The following IQCJ variants were observed in gnomAD, a reference collection of about 807,000 sequenced individuals.
The protein encoded by IQCJ is IQ motif containing J.
Under a neutral mutation model 11.0 loss-of-function variants are expected in IQCJ, and 9 were observed. The observed-to-expected ratio is 0.82, with a 90% CI of 0.49 to 1.43. The LOEUF (loss-of-function observed/expected upper bound fraction) is 1.43. Ranked by LOEUF, IQCJ falls within the 40% of genes most tolerant of loss-of-function variation. IQCJ has a pLI of 0.00. For missense variants in IQCJ, 146 were observed against 133.2 expected, an observed-to-expected ratio of 1.10 and a Z score of -0.47; for synonymous variants, 55 against 51.3, an observed-to-expected ratio of 1.07 and a Z score of -0.31.
At chr3:159,181,319 C>T (rs1723077934) in intron 1 of IQCJ, among the ~76,000 whole-genome samples, 1 of 150,600 alleles carries the variant, frequency 6.6e-6, no homozygotes, top group African/African-American at 2.5e-5. Flanking sequence ...CACTATGCTC[C>T]TTAGTGCTCT....
chr3:159,121,901 A>G (rs1719402791), intron 1 of IQCJ, among the ~76,000 whole-genome samples: 1 of 152,230 alleles, frequency 6.6e-6, no homozygotes, highest in African/African-American at 2.4e-5. Flanking sequence ...TTAGCTTATT[A>G]TCCACAAATA....
intron 1 of IQCJ, among the ~76,000 whole-genome samples, chr3:159,095,021 A>T (rs985451538): frequency 9.9e-5 from 15 of 151,864 alleles, no homozygotes; most frequent in African/African-American, 3.4e-4. Context: ...TTCCAAATCC[A>T]GCAACCCAAG....
At chr3:159,091,598 G>A (rs187030447) in intron 1 of IQCJ, among the ~76,000 whole-genome samples, 9 of 151,168 alleles carry the variant, frequency 6.0e-5, no homozygotes, top group Admixed American at 5.9e-4. Context: ...ATAGCAGTGA[G>A]TCTGCAGTGT....
chr3:159,107,628 A>G (rs1173002615), intron 1 of IQCJ, among the ~76,000 whole-genome samples: 1 of 152,184 alleles, frequency 6.6e-6, no homozygotes, highest in East Asian at 1.9e-4. Flanking sequence ...TAATTTATTT[A>G]GCATTTGCCA....
rs1044940319 is a variant in IQCJ, at chr3:159,113,349, C to T, written c.9+43908C>T. 2.6e-5 allele frequency among the ~76,000 whole-genome samples: 4 copies of T among 152,156 alleles called. No homozygotes were observed. In the South Asian group the frequency reaches 6.2e-4, roughly 24 times the overall value. ...TGATAGATGTGACCTGCAGCCTTGG[C>T]GTACACAAAAGGCCTGGCCGTTTTT... On this transcript the variant is annotated intron_variant, in intron 1 of 3. Coordinates refer to ENST00000397832, the MANE Select transcript of IQCJ (RefSeq NM_001042706.3).
chr3:159,142,476 G>T (rs926205286), intron 1 of IQCJ, among the ~76,000 whole-genome samples: 3 of 151,784 alleles, frequency 2.0e-5, no homozygotes, highest in African/African-American at 7.3e-5. Context: ...GAGTGCAGTG[G>T]TGTGATCTTG....
Position 159,084,921 on chromosome 3 carries a change from T to TA in IQCJ, c.9+15480_9+15481insA, listed in dbSNP as rs200070336. On this transcript the variant is annotated intron_variant, in intron 1 of 3. Coordinates refer to ENST00000397832, the MANE Select transcript of IQCJ (RefSeq NM_001042706.3). The stretch of plus-strand genomic sequence containing the variant: ...AGGGGAATGCATAAGTTCTTTTTTT[T>TA]TTATTATTATTATACTTTAAGTTTT... Among the ~76,000 whole-genome samples the TA allele has an allele frequency of 1.3e-3, 199 of 151,482 alleles. No homozygotes were observed. In the East Asian group the frequency reaches 0.017, roughly 13 times the overall value.
At chr3:159,193,162 C>T (rs1723787006) in intron 1 of IQCJ, among the ~76,000 whole-genome samples, 1 of 152,150 alleles carries the variant, frequency 6.6e-6, no homozygotes, top group South Asian at 2.1e-4. Flanking sequence ...CCCTAGTAGA[C>T]ACATGGTCTG....
chr3:159,160,154 G>A (rs1052459051), intron 1 of IQCJ, among the ~76,000 whole-genome samples: 1 of 152,092 alleles, frequency 6.6e-6, no homozygotes, highest in South Asian at 2.1e-4. Context: ...CTGGACTGAG[G>A]TTCGGCAAAA....
In IQCJ at chr3:159,090,393, C is replaced by T. The variant is rs78267300; in HGVS notation, c.9+20952C>T. ...GTCGCTCACGCTGGGAGCTGTAGAC[C>T]GGAGCTGTTCCTATTTGGCCATCTT... On this transcript the variant is annotated intron_variant, in intron 1 of 3. Transcript: ENST00000397832. Among the ~76,000 whole-genome samples, 626 of 151,880 alleles carry T rather than the reference C, an allele frequency of 4.1e-3. 16 individuals carry two copies. Among genetic ancestry groups the T allele is most frequent in the African/African-American group, 0.013 (533 of 41,192 alleles).
intron 1 of IQCJ, among the ~76,000 whole-genome samples, chr3:159,122,273 T>C (rs1283614018): frequency 1.3e-5 from 2 of 152,210 alleles, no homozygotes; most frequent in African/African-American, 2.4e-5. Flanking sequence ...GATTTCAGCA[T>C]TTAAGTTTAG....
At chr3:159,240,033 C>G (rs1160027745) in intron 1 of IQCJ, among the ~76,000 whole-genome samples, 5 of 151,894 alleles carry the variant, frequency 3.3e-5, no homozygotes. Context: ...TGACCTAGAT[C>G]TGTTACTTAT....
chr3:159,237,497 C>G lies in IQCJ; in HGVS notation c.10-8346C>G, dbSNP rs377599261. On this transcript the variant is annotated intron_variant, in intron 1 of 3. Transcript: ENST00000397832. ...ATTCTAATAGTTCACACCCAAGTTACTTTAGAACAACTCTTATAACAGTGG... is the reference window on the plus strand; with the variant it reads ...ATTCTAATAGTTCACACCCAAGTTAGTTTAGAACAACTCTTATAACAGTGG... Among the ~76,000 whole-genome samples the G allele has an allele frequency of 2.6e-5, 4 of 152,280 alleles. No individual in the cohort carries two copies. In the East Asian group the frequency reaches 7.7e-4, roughly 29 times the overall value.
chr3:159,083,337 A>G (rs1225070680), intron 1 of IQCJ, among the ~76,000 whole-genome samples: 1 of 152,170 alleles, frequency 6.6e-6, no homozygotes, highest in Non-Finnish European at 1.5e-5. Flanking sequence ...GGATATATAG[A>G]TGGCAGATAA....
At chr3:159,245,951 G>T in intron 2 of IQCJ, 44 bp downstream of exon 2, 1 of 1,413,542 alleles carries the variant, frequency 7.1e-7, no homozygotes, top group South Asian at 1.3e-5. Flanking sequence ...AGGTTGGAAA[G>T]CTTGAGTAAA....
chr3:159,256,603 G>A (rs565951246), intron 3 of IQCJ, among the ~76,000 whole-genome samples: 2 of 152,176 alleles, frequency 1.3e-5, no homozygotes, highest in South Asian at 4.2e-4. Context: ...GGCCTCTCTG[G>A]GCCTCAGTTG....
chr3:159,214,406 T>A (rs907357488), intron 1 of IQCJ, among the ~76,000 whole-genome samples: 4 of 152,204 alleles, frequency 2.6e-5, no homozygotes, highest in African/African-American at 9.6e-5. Context: ...CTTAGTTCCA[T>A]ATCTTGCTGG....
chr3:159,264,225 T>C (rs952077572), downstream of IQCJ, among the ~76,000 whole-genome samples: 3 of 152,232 alleles, frequency 2.0e-5, no homozygotes, highest in African/African-American at 7.2e-5. Context: ...GTTTTAGTGT[T>C]GCTTTAGGGT....
chr3:159,199,164 A>G (rs1486481665), intron 1 of IQCJ, among the ~76,000 whole-genome samples: 1 of 152,328 alleles, frequency 6.6e-6, no homozygotes, highest in East Asian at 1.9e-4. Flanking sequence ...TGAATATGTT[A>G]TATGACCAAA....
Sources: allele counts gnomAD v4.1 joint callset (sites outside exome capture counted in the v4.1 genomes callset), GRCh38; gene constraint gnomAD v4.1.1; transcripts MANE v1.5; gene names NCBI Gene and HGNC (gene_info 2026-07-23, HGNC 2026-07-21).